The following RABGAP1L variants were observed in gnomAD, a reference collection of about 807,000 sequenced individuals.
RABGAP1L encodes the protein rab GTPase-activating protein 1-like.
A neutral mutation model predicts 137.7 loss-of-function variants in RABGAP1L; 63 were observed. That is an observed-to-expected ratio of 0.46 (90% CI 0.37 to 0.56). The LOEUF (loss-of-function observed/expected upper bound fraction) is 0.56. RABGAP1L is among the 20% of genes least tolerant of loss of function. The probability of loss-of-function intolerance (pLI) is 0.00; values close to 1 mark genes in which losing one functional copy is unlikely to be tolerated. For missense variants in RABGAP1L, 1,095 were observed against 1,244.0 expected (o/e 0.88, Z 1.80); for synonymous variants, 431 against 433.7 (o/e 0.99, Z 0.08).
intron 19 of RABGAP1L, among the ~76,000 whole-genome samples, chr1:174,894,953 C>T (rs1040551097): frequency 1.3e-5 from 2 of 152,094 alleles, no homozygotes; most frequent in African/African-American, 4.8e-5. Context: ...GACGAGATTT[C>T]ACCATGTTGG....
At chr1:174,326,706 G>A (rs1221074479) in intron 11 of RABGAP1L, among the ~76,000 whole-genome samples, 1 of 152,098 alleles carries the variant, frequency 6.6e-6, no homozygotes, top group East Asian at 1.9e-4. Context: ...GGTATAACAA[G>A]ACTAGATTTA....
intron 13 of RABGAP1L, among the ~76,000 whole-genome samples, chr1:174,467,394 C>T (rs2149298072): frequency 6.7e-6 from 1 of 149,358 alleles, no homozygotes; most frequent in East Asian, 1.9e-4. Context: ...TTTGTTTGAG[C>T]CTAGTTAAAA....
intron 19 of RABGAP1L, among the ~76,000 whole-genome samples, chr1:174,950,200 A>G (rs920555405): frequency 6.6e-6 from 1 of 152,174 alleles, no homozygotes; most frequent in Non-Finnish European, 1.5e-5. Flanking sequence ...AAGCCTTGGA[A>G]ATTATGTTAG....
At chr1:174,832,047 C>T (rs997688709) in intron 19 of RABGAP1L, among the ~76,000 whole-genome samples, 1 of 148,000 alleles carries the variant, frequency 6.8e-6, no homozygotes, top group African/African-American at 2.5e-5. Context: ...AATCCTAGCA[C>T]TTTGGGAGGC....
At chr1:174,977,541 A>G (rs1670748450) in intron 22 of RABGAP1L, among the ~76,000 whole-genome samples, 1 of 152,224 alleles carries the variant, frequency 6.6e-6, no homozygotes. Flanking sequence ...CTCACCTAGT[A>G]TGTTGCAAGA....
intron 13 of RABGAP1L, among the ~76,000 whole-genome samples, chr1:174,599,297 C>G (rs974304128): frequency 1.3e-5 from 2 of 152,168 alleles, no homozygotes; most frequent in African/African-American, 2.4e-5. Flanking sequence ...ATTACACTAT[C>G]TCTTAAAACA....
intron 14 of RABGAP1L, among the ~76,000 whole-genome samples, chr1:174,659,477 C>T (rs1676212368): frequency 6.6e-6 from 1 of 152,206 alleles, no homozygotes; most frequent in Non-Finnish European, 1.5e-5. Context: ...GTTCTTCAAG[C>T]ACTTTCTTCA....
Position 174,394,108 on chromosome 1 carries a change from A to G in RABGAP1L, c.1673A>G (p.Gln558Arg), listed in dbSNP as rs1475921877. Residue 558 changes from glutamine to arginine, a missense_variant, in exon 13 of 26, where the codon CAG becomes CGG. Gln to Arg is a conservative substitution (Grantham distance 43, BLOSUM62 1). Transcript: ENST00000681986. ...TTATTGGCAGGCTGCCATGACAACCAGGCAATGCTGGATAGATACCGAATT... is the reference window on the plus strand; with the variant it reads ...TTATTGGCAGGCTGCCATGACAACCGGGCAATGCTGGATAGATACCGAATT... ...WQLLAGCHDN[Q>R]AMLDRYRILI... 1.2e-6 allele frequency: 2 copies of G among 1,613,762 alleles called. No individual in the cohort carries two copies. Among genetic ancestry groups the G allele is most frequent in the South Asian group, 2.2e-5 (2 of 91,076 alleles).
At chr1:174,787,442 C>T (rs973012442) in intron 18 of RABGAP1L, among the ~76,000 whole-genome samples, 18 of 151,072 alleles carry the variant, frequency 1.2e-4, no homozygotes, top group Admixed American at 4.6e-4. Context: ...TGACATCTGA[C>T]TCTTGAAAGA....
At chr1:174,457,576 C>T (rs1656185766) in intron 13 of RABGAP1L, among the ~76,000 whole-genome samples, 1 of 149,508 alleles carries the variant, frequency 6.7e-6, no homozygotes, top group Non-Finnish European at 1.5e-5. Flanking sequence ...GATCTTGGCT[C>T]ACTGCAATGT....
intron 20 of RABGAP1L, 174 bp downstream of exon 20, chr1:174,957,723 CTTTTTTTTT>C (rs34143059): frequency 8.7e-5 from 44 of 505,886 alleles, no homozygotes; most frequent in African/African-American, 1.7e-4. Context: ...AGCAAAGTAC[CTTTTTTTTT>C]TTTTTTTTTT....
At chr1:174,181,304 C>G (rs1666333988) in intron 1 of RABGAP1L, among the ~76,000 whole-genome samples, 1 of 151,106 alleles carries the variant, frequency 6.6e-6, no homozygotes, top group African/African-American at 2.4e-5. Context: ...CTGTGCCTAG[C>G]TACTAATCAT....
At chr1:174,553,607 C>G (rs1053154870) in intron 13 of RABGAP1L, among the ~76,000 whole-genome samples, 2 of 152,190 alleles carry the variant, frequency 1.3e-5, no homozygotes, top group Non-Finnish European at 2.9e-5. Flanking sequence ...CTAAAACAGA[C>G]AGATTGTACA....
rs1344329613 is a variant in RABGAP1L, at chr1:174,992,784, C to T, written c.*2783C>T. The T allele has an allele frequency of 6.6e-6, 1 of 152,184 alleles. No homozygotes were observed. Among genetic ancestry groups the T allele is most frequent in the Non-Finnish European group, 1.5e-5 (1 of 68,032 alleles). The allele number at this position is 152,184 out of a possible 1,614,324, so 9.4% of individuals were successfully genotyped here. A position where few individuals can be genotyped will look rare whatever the true frequency, so the allele number is the denominator to read the frequency against. On this transcript the variant is annotated 3_prime_UTR_variant, in exon 26 of 26. Transcript: ENST00000681986. ...ACTCATGCATCCCAGCATGAAGTAA[C>T]TCCTAGTTTTAATTTTAGTTATTTT...
intron 1 of RABGAP1L, among the ~76,000 whole-genome samples, chr1:174,185,920 G>T (rs772893261): frequency 2.5e-4 from 38 of 152,176 alleles, no homozygotes; most frequent in Non-Finnish European, 4.9e-4. Context: ...AAGGTGGGCG[G>T]ATCACCTAAG....
At chr1:174,945,038 C>G (rs1198646050) in intron 19 of RABGAP1L, among the ~76,000 whole-genome samples, 1 of 152,212 alleles carries the variant, frequency 6.6e-6, no homozygotes, top group Non-Finnish European at 1.5e-5. Flanking sequence ...GAAGTTAACA[C>G]TTGATAATAA....
chr1:174,783,149 C>T (rs1687150458), intron 18 of RABGAP1L, among the ~76,000 whole-genome samples: 1 of 152,184 alleles, frequency 6.6e-6, no homozygotes, highest in African/African-American at 2.4e-5. Context: ...GTCCGCTGCA[C>T]TCCTGATCTA....
At chr1:174,508,227 T>C (rs2147791014) in intron 13 of RABGAP1L, among the ~76,000 whole-genome samples, 1 of 152,278 alleles carries the variant, frequency 6.6e-6, no homozygotes, top group Admixed American at 6.5e-5. Flanking sequence ...AAACAAGCCC[T>C]GAGACCTGTT....
At chr1:174,529,150 T>A (rs1664178625) in intron 13 of RABGAP1L, among the ~76,000 whole-genome samples, 1 of 152,052 alleles carries the variant, frequency 6.6e-6, no homozygotes, top group South Asian at 2.1e-4. Context: ...TCTTTTTGAT[T>A]GGGATGTTTC....
Sources: allele counts gnomAD v4.1 joint callset (sites outside exome capture counted in the v4.1 genomes callset), GRCh38; gene constraint gnomAD v4.1.1; transcripts MANE v1.5; gene names NCBI Gene and HGNC (gene_info 2026-07-23, HGNC 2026-07-21).